The following GGN variants were observed in gnomAD, a reference collection of about 807,000 sequenced individuals.
GGN encodes the protein gametogenetin.
A neutral mutation model predicts 35.5 loss-of-function variants in GGN; 27 were observed. The observed-to-expected ratio is 0.76, with a 90% CI of 0.56 to 1.05. The LOEUF (loss-of-function observed/expected upper bound fraction) is 1.05. Ranked by LOEUF, GGN falls within the 50% of genes least tolerant of loss-of-function variation. GGN has a pLI of 0.00. For missense variants in GGN, 1,006 were observed against 940.7 expected (o/e 1.07, Z -0.91); for synonymous variants, 425 against 444.1 (o/e 0.96, Z 0.54).
intron 3 of GGN, among the ~76,000 whole-genome samples, chr19:38,384,969 C>T (rs971179469): frequency 6.6e-5 from 10 of 152,180 alleles, no homozygotes; most frequent in Non-Finnish European, 1.2e-4. Flanking sequence ...GTCAGGAGTC[C>T]AGGGCTGCCC....
chr19:38,386,257 G>A lies in GGN; in HGVS notation c.1005C>T (p.Ala335=), dbSNP rs1311077152. The A allele has an allele frequency of 4.3e-6, 7 of 1,610,432 alleles. No individual in the cohort carries two copies. Among genetic ancestry groups the A allele is most frequent in the Non-Finnish European group, 5.9e-6 (7 of 1,178,682 alleles). ...PPSAPASQAR[A]LPPPPYTTFP... ...AGGTGGTGTAGGGTGGCGGCGGTAG[G>A]GCCCGGGCTTGGGACGCAGGCGCCG... is the stretch of plus-strand genomic sequence containing the variant. The change falls in exon 3 of 4, where the codon GCC becomes GCT. Residue 335 remains alanine, a synonymous_variant. Coordinates refer to ENST00000334928, the MANE Select transcript of GGN (RefSeq NM_152657.4).
At position 38,385,791 on chromosome 19, in the gene GGN, C is replaced by G. The variant is rs200124007; in HGVS notation, c.1471G>C (p.Asp491His). 2 of 1,548,626 alleles carry G rather than the reference C, an allele frequency of 1.3e-6. No individual in the cohort carries two copies. The highest frequency in any genetic ancestry group is 1.4e-5 in the African/African-American group (1 of 73,312). Residue 491 changes from aspartate (D) to histidine (H), a missense_variant, in exon 3 of 4, where the codon GAC becomes CAC. Transcript: ENST00000334928. ...GCCGGGGATGGGGCCGGGGCCTGGT[C>G]GGCGGCTAAGGCTGGGGGCAGAGCA... ...APALPPALAA[D>H]QAPAPSPAPA...
At position 38,386,130 on chromosome 19, in the gene GGN, G is replaced by A; in HGVS notation, c.1132C>T (p.Arg378Trp). ...GGCCCAGAGAGTGCGGCCGCACGCC[G>A]TCGCGGCGCCCCGATGCCTCCGCCA... is the stretch of plus-strand genomic sequence containing the variant. ...GAGGGIGAPR[R>W]RAAALSGPWG... Residue 378 changes from arginine to tryptophan, a missense_variant, in exon 3 of 4, where the codon CGG (arginine) becomes TGG (tryptophan). Transcript: ENST00000334928. The A allele has an allele frequency of 6.3e-7, 1 of 1,581,240 alleles. No homozygotes were observed. The highest frequency in any genetic ancestry group is 8.6e-7 in the Non-Finnish European group (1 of 1,168,120).
chr19:38,385,396 C>T (rs373310073), intron 3 of GGN, 25 bp downstream of exon 3: 303 of 1,612,702 alleles, frequency 1.9e-4, no homozygotes, highest in Non-Finnish European at 2.4e-4. Context: ...GGTTCGGCAC[C>T]CTCCTGTCCC....
At position 38,385,655 on chromosome 19, in the gene GGN, C is replaced by T. The variant is rs753328434; in HGVS notation, c.1607G>A (p.Gly536Asp). 4 of 1,613,774 alleles carry T rather than the reference C, an allele frequency of 2.5e-6. No homozygotes were observed. The African/African-American group carries it at 5.3e-5, about 22-fold the overall frequency. Reference protein sequence around the residue: ...RRNKGSRAARGATRKDGLHGD... With the variant: ...RRNKGSRAARDATRKDGLHGD... ...ATGCAAGCCATCCTTACGGGTCGCG[C>T]CCCGGGCTGCACGGGAACCCTTGTT... Residue 536 changes from glycine (G) to aspartate (D), a missense_variant, in exon 3 of 4, where the codon GGC becomes GAC. Coordinates refer to ENST00000334928, the MANE Select transcript of GGN (RefSeq NM_152657.4).
chr19:38,385,925 G>A lies in GGN; in HGVS notation c.1337C>T (p.Pro446Leu), dbSNP rs763639614. The change falls in exon 3 of 4, where the codon CCG becomes CTG. Residue 446 changes from proline to leucine, a missense_variant. Coordinates refer to ENST00000334928, the MANE Select transcript of GGN (RefSeq NM_152657.4). ...ELPPLPPPTP[P>L]PTLQPPALQP... ...GAGCGCTGGTGGCTGCAGTGTGGGC[G>A]GCGGTGTGGGCGGTGGCAGCGGTGG... 1.9e-6 allele frequency: 3 copies of A among 1,576,712 alleles called. No homozygotes were observed. In the African/African-American group the frequency reaches 4.0e-5, roughly 21 times the overall value.
chr19:38,385,440 G>A lies in GGN; in HGVS notation c.1822C>T (p.Pro608Ser). Residue 608 changes from proline to serine, a missense_variant, in exon 3 of 4, where the codon CCA (proline) becomes TCA (serine). Transcript: ENST00000334928. ...TCTCACCAGGCAGAGACGTTGCGTGGCAGGCGGCGATGGCGTGGCTGGTGG... is the reference window on the plus strand; with the variant it reads ...TCTCACCAGGCAGAGACGTTGCGTGACAGGCGGCGATGGCGTGGCTGGTGG... ...CHHQPRHRRL[P>S]RNVSAWLSTS... 2 of 1,614,104 alleles carry A rather than the reference G, an allele frequency of 1.2e-6. No individual in the cohort carries two copies. Among genetic ancestry groups the A allele is most frequent in the Non-Finnish European group, 1.7e-6 (2 of 1,180,038 alleles).
rs1555744843 is a variant in GGN, at chr19:38,386,696, G to A, written c.566C>T (p.Thr189Ile). 7 of 1,607,188 alleles carry A rather than the reference G, an allele frequency of 4.4e-6. No individual in the cohort carries two copies. The highest frequency in any genetic ancestry group is 6.0e-6 in the Non-Finnish European group (7 of 1,175,898). ...SERQPADRRITPALATPASPP... is the reference protein window; with the variant it reads ...SERQPADRRIIPALATPASPP... ...TGAGGCGGGTGTGGCCAGAGCAGGA[G>A]TGATTCTGCGGTCCGCCGGCTGCCG... The change falls in exon 3 of 4, where the codon ACT becomes ATT. Residue 189 changes from threonine to isoleucine, a missense_variant. By Grantham distance (89) the Thr-to-Ile change is moderately conservative. Coordinates refer to ENST00000334928, the MANE Select transcript of GGN (RefSeq NM_152657.4).
chr19:38,386,824 C>G lies in GGN; in HGVS notation c.438G>C (p.Pro146=), dbSNP rs768120529. The G allele has an allele frequency of 3.7e-6, 6 of 1,607,366 alleles. No individual in the cohort carries two copies. The African/African-American group carries it at 6.7e-5, about 18-fold the overall frequency. Reference sequence around the variant, plus strand: ...CCTTCACGGATAGTTGCCGGGGCGGCGGCGGCGGCTTCAGCGGGCGGAGGC... The same window carrying G: ...CCTTCACGGATAGTTGCCGGGGCGGGGGCGGCGGCTTCAGCGGGCGGAGGC... ...PPSLRPLKPP[P]PPRQLSVKDT... Residue 146 remains proline (P), a synonymous_variant, in exon 3 of 4, where the codon CCG becomes CCC. Coordinates refer to ENST00000334928, the MANE Select transcript of GGN (RefSeq NM_152657.4).
chr19:38,384,871 C>T (rs900394833), intron 3 of GGN, among the ~76,000 whole-genome samples: 2 of 152,128 alleles, frequency 1.3e-5, no homozygotes, highest in African/African-American at 2.4e-5. Context: ...GGAGGAGCCT[C>T]CCCAGCACAA....
chr19:38,386,583 C>T lies in GGN; in HGVS notation c.679G>A (p.Gly227Ser), dbSNP rs1970728451. The change falls in exon 3 of 4, where the codon GGC becomes AGC. Residue 227 changes from glycine to serine, a missense_variant. Gly to Ser is a moderately conservative substitution (Grantham distance 56, BLOSUM62 0). Transcript: ENST00000334928. ...RGGAPPHAGE[G>S]EMAQPADSES... ...GAATCCGCAGGCTGGGCCATTTCGC[C>T]TTCGCCCGCATGGGGAGGCGCCCCT... 1 of 1,613,544 alleles carries T rather than the reference C, an allele frequency of 6.2e-7. No homozygotes were observed. Among genetic ancestry groups the T allele is most frequent in the South Asian group, 1.1e-5 (1 of 91,086 alleles).
chr19:38,386,612 C>T lies in GGN; in HGVS notation c.650G>A (p.Arg217His). ...GCCCGCATGGGGAGGCGCCCCTCCG[C>T]GAGCCCTGCCGGCCGTCTGGCCCTG... ...RNQGQTAGRA[R>H]GGAPPHAGEG... Residue 217 changes from arginine to histidine, a missense_variant, in exon 3 of 4, where the codon CGC becomes CAC. Arg to His is a conservative substitution (Grantham distance 29). Coordinates refer to ENST00000334928, the MANE Select transcript of GGN (RefSeq NM_152657.4). 1.2e-6 allele frequency: 2 copies of T among 1,612,706 alleles called. No individual in the cohort carries two copies. Among genetic ancestry groups the T allele is most frequent in the Non-Finnish European group, 8.5e-7 (1 of 1,179,450 alleles).
In GGN at chr19:38,386,687, A is replaced by G. The variant is rs1422413159; in HGVS notation, c.575T>C (p.Leu192Pro). Reference sequence around the variant, plus strand: ...TGTCGGGGGTGAGGCGGGTGTGGCCAGAGCAGGAGTGATTCTGCGGTCCGC... The same window carrying G: ...TGTCGGGGGTGAGGCGGGTGTGGCCGGAGCAGGAGTGATTCTGCGGTCCGC... Reference protein sequence around the residue: ...QPADRRITPALATPASPPTES... With the variant: ...QPADRRITPAPATPASPPTES... The change falls in exon 3 of 4, where the codon CTG becomes CCG. Residue 192 changes from leucine to proline, a missense_variant. Transcript: ENST00000334928. The G allele has an allele frequency of 6.2e-7, 1 of 1,606,166 alleles. No individual in the cohort carries two copies. The highest frequency in any genetic ancestry group is 8.5e-7 in the Non-Finnish European group (1 of 1,175,068).
At position 38,385,444 on chromosome 19, in the gene GGN, G is replaced by A; in HGVS notation, c.1818C>T (p.Arg606=). ...CYCHHQPRHR[R]LPRNVSAWLS... is the part of the protein sequence containing the mutation. ...ACCAGGCAGAGACGTTGCGTGGCAGGCGGCGATGGCGTGGCTGGTGGTGGC... is the reference window on the plus strand; with the variant it reads ...ACCAGGCAGAGACGTTGCGTGGCAGACGGCGATGGCGTGGCTGGTGGTGGC... The change falls in exon 3 of 4, where the codon CGC becomes CGT. Residue 606 remains arginine (R), a synonymous_variant. Coordinates refer to ENST00000334928, the MANE Select transcript of GGN (RefSeq NM_152657.4). The A allele has an allele frequency of 7.4e-6, 12 of 1,614,148 alleles. No homozygotes were observed. Among genetic ancestry groups the A allele is most frequent in the Non-Finnish European group, 1.0e-5 (12 of 1,180,038 alleles).
chr19:38,385,911 G>C lies in GGN; in HGVS notation c.1351C>G (p.Pro451Ala). 1.7e-5 allele frequency: 27 copies of C among 1,567,574 alleles called. No individual in the cohort carries two copies. Among genetic ancestry groups the C allele is most frequent in the Non-Finnish European group, 2.2e-5 (26 of 1,158,528 alleles). ...PPPTPPPTLQ[P>A]PALQPTPLPV... ...AGCGGCGTTGGCTGGAGCGCTGGTG[G>C]CTGCAGTGTGGGCGGCGGTGTGGGC... Residue 451 changes from proline (P) to alanine (A), a missense_variant, in exon 3 of 4, where the codon CCA becomes GCA. Physicochemically the swap from Pro to Ala is conservative, Grantham distance 27. Transcript: ENST00000334928.
intron 3 of GGN, 143 bp downstream of exon 3, chr19:38,385,278 G>T: frequency 8.6e-7 from 1 of 1,157,486 alleles, no homozygotes; most frequent in Non-Finnish European, 1.2e-6. Context: ...TCTTGGTCCT[G>T]AAGGGTGGGA....
Position 38,385,515 on chromosome 19 carries a change from A to G in GGN, c.1747T>C (p.Trp583Arg). The change falls in exon 3 of 4, where the codon TGG becomes CGG. Residue 583 changes from tryptophan to arginine, a missense_variant. Physicochemically the swap from Trp to Arg is moderately radical, Grantham distance 101 (BLOSUM62 -3). Transcript: ENST00000334928. Reference protein sequence around the residue: ...GAANTRAARHWLPFQVLNSCP... With the variant: ...GAANTRAARHRLPFQVLNSCP... ...GAGTTAAGCACCTGGAAGGGCAGCC[A>G]GTGGCGCGCAGCGCGGGTGTTAGCT... 6.2e-7 allele frequency: 1 copy of G among 1,614,124 alleles called. No homozygotes were observed. The highest frequency in any genetic ancestry group is 8.5e-7 in the Non-Finnish European group (1 of 1,180,020).
chr19:38,384,392 G>T lies in GGN; in HGVS notation c.*20C>A. 1 of 1,540,596 alleles carries T rather than the reference G, an allele frequency of 6.5e-7. No homozygotes were observed. Among genetic ancestry groups the T allele is most frequent in the Non-Finnish European group, 9.0e-7 (1 of 1,113,678 alleles). ...TTATTGGCATGGAGGGGAAGGTGGA[G>T]GGTGTTGAGCCGACTACACTCAGTT... On this transcript the variant is annotated 3_prime_UTR_variant, in exon 4 of 4. Coordinates refer to ENST00000334928, the MANE Select transcript of GGN (RefSeq NM_152657.4).
In GGN at chr19:38,385,713, C is replaced by T; in HGVS notation, c.1549G>A (p.Ala517Thr). 6.2e-7 allele frequency: 1 copy of T among 1,610,622 alleles called. No individual in the cohort carries two copies. The highest frequency in any genetic ancestry group is 8.5e-7 in the Non-Finnish European group (1 of 1,178,858). ...PSPPVSAPAP[A>T]AAPIKTRTRR... is the part of the protein sequence containing the mutation. ...GTGCGGGTCTTGATGGGCGCAGCCG[C>T]GGGTGCGGGCGCGGACACAGGCGGC... Residue 517 changes from alanine (A) to threonine (T), a missense_variant, in exon 3 of 4, where the codon GCG (alanine) becomes ACG (threonine). Coordinates refer to ENST00000334928, the MANE Select transcript of GGN (RefSeq NM_152657.4).
Sources: allele counts gnomAD v4.1 joint callset (sites outside exome capture counted in the v4.1 genomes callset), GRCh38; gene constraint gnomAD v4.1.1; transcripts MANE v1.5; gene names NCBI Gene and HGNC (gene_info 2026-07-23, HGNC 2026-07-21).